The following SPATA33 variants were observed in gnomAD, a reference collection of about 807,000 sequenced individuals.
The protein encoded by SPATA33 is spermatogenesis-associated protein 33.
Under a neutral mutation model 8.9 loss-of-function variants are expected in SPATA33, and 10 were observed. That is an observed-to-expected ratio of 1.12 (90% CI 0.69 to 1.90). The LOEUF is 1.90. SPATA33 is among the 40% of genes most tolerant of loss of function. The pLI, the probability that SPATA33 is intolerant of heterozygous loss-of-function variation, is 0.00. For missense variants in SPATA33, 241 were observed against 178.3 expected (o/e 1.35, Z -2.00); for synonymous variants, 96 against 72.8 (o/e 1.32, Z -1.63).
intron 2 of SPATA33, among the ~76,000 whole-genome samples, chr16:89,662,579 A>G (rs1011859900): frequency 1.3e-5 from 2 of 151,776 alleles, no homozygotes; most frequent in African/African-American, 4.8e-5. Flanking sequence ...GCCCGCCATG[A>G]CGCCCAGCTA....
In SPATA33 at chr16:89,658,228, G is replaced by A. The variant is rs950536070; in HGVS notation, c.38-20G>A. 8 of 1,613,596 alleles carry A rather than the reference G, an allele frequency of 5.0e-6. No homozygotes were observed. In the African/African-American group the frequency reaches 8.0e-5, roughly 16 times the overall value. ...GCATTCGGTAAGTCCCGGGTCTAAC[G>A]GATGATCCATATATTTCAGGTGAGG... On this transcript the variant is annotated intron_variant, in intron 1 of 2. Coordinates refer to ENST00000579310, the MANE Select transcript of SPATA33 (RefSeq NM_001271907.2).
chr16:89,662,572 C>T (rs894769980), intron 2 of SPATA33, among the ~76,000 whole-genome samples: 19 of 151,894 alleles, frequency 1.3e-4, no homozygotes, highest in African/African-American at 4.1e-4. Context: ...TACAGGCGCC[C>T]GCCATGACGC....
chr16:89,666,001 A>C (rs1427456378), intron 2 of SPATA33, among the ~76,000 whole-genome samples: 1 of 152,148 alleles, frequency 6.6e-6, no homozygotes, highest in East Asian at 1.9e-4. Context: ...GAATCACTTG[A>C]ACCTGGGAGG....
chr16:89,657,811 C>T (rs1020726946), upstream of SPATA33: 98 of 1,493,750 alleles, frequency 6.6e-5, no homozygotes, highest in Middle Eastern at 2.2e-4. Context: ...CATGGTGACG[C>T]ACGCCGCTGG....
At chr16:89,667,989 C>G (rs137986207) in intron 2 of SPATA33, 80 of 152,390 alleles carry the variant, frequency 5.2e-4, no homozygotes, top group African/African-American at 1.8e-3. Context: ...ATTCACTGTT[C>G]TAGGGCTCAG....
At chr16:89,660,663 T>G in intron 2 of SPATA33, 4 of 887,790 alleles carry the variant, frequency 4.5e-6, no homozygotes, top group Non-Finnish European at 5.9e-6. Flanking sequence ...GCAGTTCCCT[T>G]TCCATGGAAT....
chr16:89,662,712 C>G (rs1034326363), intron 2 of SPATA33, among the ~76,000 whole-genome samples: 1 of 152,104 alleles, frequency 6.6e-6, no homozygotes, highest in Non-Finnish European at 1.5e-5. Context: ...CAGGCGTGAG[C>G]CACCGCACCT....
chr16:89,661,089 G>A (rs549915558), intron 2 of SPATA33: 15 of 985,654 alleles, frequency 1.5e-5, no homozygotes, highest in South Asian at 9.4e-5. Flanking sequence ...AAAGAAAATC[G>A]TTTTAAACTG....
intron 2 of SPATA33, among the ~76,000 whole-genome samples, chr16:89,665,550 G>A (rs1050923098): frequency 8.6e-5 from 13 of 150,378 alleles, no homozygotes; most frequent in African/African-American, 2.4e-4. Context: ...TCCTGACCTC[G>A]TGATCCGCCC....
rs778684925 is a variant in SPATA33 at position 89,669,393 on chromosome 16, A to C, written c.319A>C (p.Ser107Arg). 2.5e-6 allele frequency: 4 copies of C among 1,614,068 alleles called. No homozygotes were observed. Among genetic ancestry groups the C allele is most frequent in the African/African-American group, 2.7e-5 (2 of 74,924 alleles). The change falls in exon 3 of 3, where the codon AGT becomes CGT. Residue 107 changes from serine to arginine, a missense_variant. By Grantham distance (110) the Ser-to-Arg change is moderately radical (BLOSUM62 -1). Coordinates refer to ENST00000579310, the MANE Select transcript of SPATA33 (RefSeq NM_001271907.2). ...ETLVSCSSSG[S>R]DQQRTIREPE... is the part of the protein sequence containing the mutation. ...GCTAGTCAGTTGCAGTTCCAGCGGGAGTGACCAGCAGAGAACCATTCGGGA... is the reference window on the plus strand; with the variant it reads ...GCTAGTCAGTTGCAGTTCCAGCGGGCGTGACCAGCAGAGAACCATTCGGGA...
At chr16:89,658,985 G>A (rs1174980787) in intron 2 of SPATA33, 1 of 153,998 alleles carries the variant, frequency 6.5e-6, no homozygotes, top group Admixed American at 6.4e-5. Context: ...ACCACGTGGA[G>A]CTGGAAGCGT....
intron 1 of SPATA33, 87 bp downstream of exon 1, chr16:89,658,035 A>G (rs1568008435): frequency 2.1e-6 from 3 of 1,459,762 alleles, no homozygotes; most frequent in Non-Finnish European, 2.7e-6. Context: ...GGGCGGTGTG[A>G]GCGCAGGCGC....
intron 2 of SPATA33, chr16:89,661,349 G>A (rs557788573): frequency 1.1e-5 from 4 of 375,170 alleles, no homozygotes; most frequent in African/African-American, 4.4e-5. Flanking sequence ...CACGAGATCC[G>A]ATGGTTTTAA....
At chr16:89,657,794 C>G (rs1211694556), upstream of SPATA33, 1 of 1,463,152 alleles carries the variant, frequency 6.8e-7, no homozygotes, top group Non-Finnish European at 9.0e-7. Context: ...GCGCGGCGCG[C>G]GGTCGCCATG....
In SPATA33 at chr16:89,658,087, C is replaced by T; in HGVS notation, c.37+139C>T. The T allele has an allele frequency of 8.8e-6, 13 of 1,478,282 alleles. No individual in the cohort carries two copies. The South Asian group carries it at 1.5e-4, about 18-fold the overall frequency. The allele number at this position is 1,478,282 out of a possible 1,614,324, so 91.6% of individuals were successfully genotyped here. ...CGAACCGTTCCTGCCGCCGAGTCCG[C>T]CACGGACGGCGCGTTTCCCGCCTGA... is the stretch of plus-strand genomic sequence containing the variant. On this transcript the variant is annotated intron_variant, in intron 1 of 2. Transcript: ENST00000579310.
At chr16:89,663,630 G>GGT (rs1445263814) in intron 2 of SPATA33, among the ~76,000 whole-genome samples, 1 of 152,102 alleles carries the variant, frequency 6.6e-6, no homozygotes, top group Non-Finnish European at 1.5e-5. Flanking sequence ...TTGGCGTTGG[G>GGT]GTAGGGAGTG....
intron 2 of SPATA33, among the ~76,000 whole-genome samples, chr16:89,664,216 A>G (rs1158544607): frequency 1.3e-5 from 2 of 152,244 alleles, no homozygotes; most frequent in Non-Finnish European, 2.9e-5. Flanking sequence ...TTGTAGAACA[A>G]ATGATAAGCT....
At chr16:89,667,781 A>C (rs907426211) in intron 2 of SPATA33, among the ~76,000 whole-genome samples, 2 of 152,244 alleles carry the variant, frequency 1.3e-5, no homozygotes, top group South Asian at 2.1e-4. Flanking sequence ...CAAGGCCTGA[A>C]TACCCCGTCT....
At chr16:89,660,398 G>A (rs2059950948) in intron 2 of SPATA33, 2 of 1,130,574 alleles carry the variant, frequency 1.8e-6, no homozygotes, top group Admixed American at 8.5e-5. Flanking sequence ...GGGGGAAGGA[G>A]GACCGCCTGT....
Sources: gnomAD v4.1 joint callset for allele counts (sites outside exome capture counted in the v4.1 genomes callset) on GRCh38, gnomAD v4.1.1 for gene constraint, MANE v1.5 for transcripts, NCBI Gene and HGNC (gene_info 2026-07-23, HGNC 2026-07-21) for gene names.